The following ZNF407 variants were observed in gnomAD, a reference collection of about 807,000 sequenced individuals.
ZNF407 encodes zinc finger protein 407.
In ZNF407, 17 loss-of-function variants were observed where a neutral mutation model predicts 131.2. That is an observed-to-expected ratio of 0.13 (90% CI 0.09 to 0.19). The LOEUF (loss-of-function observed/expected upper bound fraction) is 0.19. Ranked by LOEUF, ZNF407 falls within the 10% of genes least tolerant of loss-of-function variation. The pLI is 1.00. For synonymous variants in ZNF407, 1,156 were observed against 1,062.0 expected (o/e 1.09, Z -1.72); for missense variants, 2,681 against 2,830.6 (o/e 0.95, Z 1.20).
At chr18:74,931,761 G>A (rs988696122) in intron 8 of ZNF407, among the ~76,000 whole-genome samples, 26 of 152,272 alleles carry the variant, frequency 1.7e-4, no homozygotes, top group Middle Eastern at 3.4e-3. Context: ...GGAACTCATC[G>A]TGTGGTTTTA....
rs564740580 is a variant in ZNF407, at chr18:74,798,040, G to T, written c.4877+16538G>T. On this transcript the variant is annotated intron_variant, in intron 4 of 8. Coordinates refer to ENST00000299687, the MANE Select transcript of ZNF407 (RefSeq NM_017757.3). ...ACTAATGCTGGGGAAAGGCGCAAACGCATTTAAATTTTTTTAACCTTTAAG... is the reference window on the plus strand; with the variant it reads ...ACTAATGCTGGGGAAAGGCGCAAACTCATTTAAATTTTTTTAACCTTTAAG... Among the ~76,000 whole-genome samples the T allele has an allele frequency of 1.1e-4, 17 of 152,122 alleles. 1 individual carries two copies. The South Asian group carries it at 3.5e-3, about 32-fold the overall frequency.
At chr18:74,962,754 CA>C (rs1972361727) in intron 8 of ZNF407, among the ~76,000 whole-genome samples, 1 of 152,252 alleles carries the variant, frequency 6.6e-6, no homozygotes. Context: ...TCTGAGTGGA[CA>C]CAGTGCCCTA....
chr18:74,879,688 G>C (rs977802367), intron 5 of ZNF407, among the ~76,000 whole-genome samples: 7 of 152,010 alleles, frequency 4.6e-5, no homozygotes, highest in Admixed American at 2.6e-4. Flanking sequence ...AAGAAGTAAA[G>C]ATAGCAAAAA....
At chr18:74,673,551 C>CTCAA (rs1400100578) in intron 3 of ZNF407, among the ~76,000 whole-genome samples, 3 of 152,156 alleles carry the variant, frequency 2.0e-5, no homozygotes, top group African/African-American at 7.2e-5. Flanking sequence ...CTTTTGTGTG[C>CTCAA]TGTGAGGAAG....
intron 4 of ZNF407, among the ~76,000 whole-genome samples, chr18:74,839,986 T>G (rs1970610334): frequency 6.6e-6 from 1 of 152,048 alleles, no homozygotes; most frequent in Non-Finnish European, 1.5e-5. Context: ...TGTGGGGAAA[T>G]TTAATGTCCC....
Position 74,740,987 on chromosome 18 carries a change from A to G in ZNF407, c.4803-40441A>G, listed in dbSNP as rs1392281791. Reference sequence around the variant, plus strand: ...TCTCTGGGAAAACTTGCCTGGGGAAACTTGGCTGAGAACCATTCTTTTGTC... The same window carrying G: ...TCTCTGGGAAAACTTGCCTGGGGAAGCTTGGCTGAGAACCATTCTTTTGTC... On this transcript the variant is annotated intron_variant, in intron 3 of 8. Coordinates refer to ENST00000299687, the MANE Select transcript of ZNF407 (RefSeq NM_017757.3). 5.3e-5 allele frequency among the ~76,000 whole-genome samples: 8 copies of G among 152,276 alleles called. No homozygotes were observed. In the East Asian group the frequency reaches 1.4e-3, roughly 26 times the overall value.
intron 3 of ZNF407, among the ~76,000 whole-genome samples, chr18:74,753,373 T>A (rs1317446271): frequency 1.3e-5 from 2 of 152,214 alleles, no homozygotes; most frequent in African/African-American, 4.8e-5. Flanking sequence ...CTGACTACCC[T>A]GGCCAGAACT....
At position 74,802,996 on chromosome 18, in the gene ZNF407, A is replaced by G. The variant is rs971654725; in HGVS notation, c.4877+21494A>G. On this transcript the variant is annotated intron_variant, in intron 4 of 8. Transcript: ENST00000299687. ...GGTATCTCAGGCCATATAGAATTCA[A>G]AAGTTATAAATTTGGAGTGGTTATA... Among the ~76,000 whole-genome samples the G allele has an allele frequency of 6.6e-5, 10 of 152,150 alleles. No individual in the cohort carries two copies. The East Asian group carries it at 1.9e-3, about 29-fold the overall frequency.
chr18:74,804,067 T>A, intron 4 of ZNF407: 1 of 1,551,442 alleles, frequency 6.4e-7, no homozygotes, highest in South Asian at 1.2e-5. Context: ...GCACTTTTCA[T>A]AACTGATGGG....
intron 4 of ZNF407, among the ~76,000 whole-genome samples, chr18:74,864,082 A>G (rs980542826): frequency 3.3e-5 from 5 of 152,224 alleles, no homozygotes; most frequent in African/African-American, 1.2e-4. Context: ...ATGGGCAGGA[A>G]ATATGACTGA....
intron 8 of ZNF407, among the ~76,000 whole-genome samples, chr18:74,932,590 A>G (rs1358509148): frequency 6.6e-6 from 1 of 152,158 alleles, no homozygotes; most frequent in African/African-American, 2.4e-5. Flanking sequence ...GTTATAACCA[A>G]TCATTCAAAA....
chr18:74,722,124 T>G (rs1385332397), intron 3 of ZNF407, among the ~76,000 whole-genome samples: 1 of 152,094 alleles, frequency 6.6e-6, no homozygotes, highest in African/African-American at 2.4e-5. Flanking sequence ...GTGTTTATGT[T>G]TCTTGATGTT....
At chr18:74,995,231 G>A (rs900076275) in intron 8 of ZNF407, among the ~76,000 whole-genome samples, 2 of 152,194 alleles carry the variant, frequency 1.3e-5, no homozygotes, top group Admixed American at 6.5e-5. Context: ...CCTGGCTTGG[G>A]CGATTTGAGT....
chr18:74,775,478 A>G (rs1969449405), intron 3 of ZNF407, among the ~76,000 whole-genome samples: 1 of 152,242 alleles, frequency 6.6e-6, no homozygotes, highest in South Asian at 2.1e-4. Flanking sequence ...CTGCAAGTGC[A>G]GTATGTGGTA....
At chr18:75,001,246 C>T (rs1391134785) in intron 8 of ZNF407, among the ~76,000 whole-genome samples, 1 of 151,958 alleles carries the variant, frequency 6.6e-6, no homozygotes, top group Non-Finnish European at 1.5e-5. Context: ...CAGGGAGGGA[C>T]ATCATGGGTT....
At chr18:74,608,355 C>CTTTTTTTT (rs375136326) in intron 1 of ZNF407, among the ~76,000 whole-genome samples, 3,965 of 146,310 alleles carry the variant, frequency 0.027, 158 homozygotes, top group African/African-American at 0.09. Context: ...TTTTAGATTT[C>CTTTTTTTT]TTTTTTTTTT....
intron 4 of ZNF407, among the ~76,000 whole-genome samples, chr18:74,796,640 T>G (rs1969925574): frequency 2.0e-5 from 3 of 152,184 alleles, no homozygotes; most frequent in Admixed American, 2.0e-4. Context: ...AAGCTGTGTA[T>G]GCTTGTGAAA....
intron 8 of ZNF407, among the ~76,000 whole-genome samples, chr18:74,964,624 A>G (rs9956264): frequency 0.16 from 23,637 of 147,466 alleles, 2,277 homozygotes; most frequent in Admixed American, 0.26. Context: ...CAATATTATA[A>G]CCAAACTTTT....
chr18:74,635,758 C>CCCAT lies in ZNF407; in HGVS notation c.4687+56_4687+59dup. The stretch of plus-strand genomic sequence containing the variant: ...CAGTGAGGACATGGGGCCATTTGTT[C>CCCAT]CCATCCAGATATGCAGCCCTACCTG... On this transcript the variant is annotated intron_variant, in intron 2 of 8. Coordinates refer to ENST00000299687, the MANE Select transcript of ZNF407 (RefSeq NM_017757.3). The surrounding 1 kb of genome is among the most constrained non-coding windows in gnomAD (Gnocchi z 4.7). 6.6e-7 allele frequency: 1 copy of CCCAT among 1,523,648 alleles called. No individual in the cohort carries two copies. Among genetic ancestry groups the CCCAT allele is most frequent in the South Asian group, 1.3e-5 (1 of 75,538 alleles). The allele number at this position is 1,523,648 out of a possible 1,614,324, so 94.4% of individuals were successfully genotyped here.
Sources: gnomAD v4.1 joint callset for allele counts (sites outside exome capture counted in the v4.1 genomes callset) on GRCh38, gnomAD v4.1.1 for gene constraint, Gnocchi (gnomAD v3.1) non-coding constraint, MANE v1.5 for transcripts, NCBI Gene and HGNC (gene_info 2026-07-23, HGNC 2026-07-21) for gene names.